The following NCEH1 variants were observed in gnomAD, a reference collection of about 807,000 sequenced individuals.
NCEH1 encodes the protein 2-acetyl MAGE hydrolase.
In NCEH1, 9 loss-of-function variants were observed where a neutral mutation model predicts 25.4. The observed-to-expected ratio is 0.35, with a 90% confidence interval of 0.21 to 0.62. The LOEUF is 0.62. Ranked by LOEUF, NCEH1 falls within the 20% of genes least tolerant of loss-of-function variation. The probability of loss-of-function intolerance (pLI) is 0.72; values close to 1 mark genes in which losing one functional copy is unlikely to be tolerated. For missense variants in NCEH1, 412 were observed against 501.1 expected (o/e 0.82, Z 1.70); for synonymous variants, 200 against 199.8 (o/e 1.00, Z -0.01).
At chr3:172,705,071 A>G (rs1274190171) in intron 1 of NCEH1, among the ~76,000 whole-genome samples, 3 of 152,254 alleles carry the variant, frequency 2.0e-5, no homozygotes, top group Non-Finnish European at 1.5e-5. Flanking sequence ...TCATAAAGCA[A>G]ATACTAAAAT....
In NCEH1 at chr3:172,633,609, C is replaced by T. The variant is rs144734082; in HGVS notation, c.1093G>A (p.Gly365Ser). ...IMYAKRLESAGVEVTLDHFED... is the reference protein window; with the variant it reads ...IMYAKRLESASVEVTLDHFED... The stretch of plus-strand genomic sequence containing the variant: ...AAGTGATCCAGGGTCACCTCCACAC[C>T]GGCACTCTCCAAACGCTTGGCATAC... The change falls in exon 5 of 5, where the codon GGT (glycine) becomes AGT (serine). Residue 365 changes from glycine (G) to serine (S), a missense_variant. Around this residue, in one of 3 missense-constraint regions of NCEH1, gnomAD observed 210 missense variants for 258.2 expected, o/e 0.81. Coordinates refer to ENST00000475381, the MANE Select transcript of NCEH1 (RefSeq NM_020792.6). The T allele has an allele frequency of 3.5e-5, 57 of 1,614,142 alleles. No homozygotes were observed. Among genetic ancestry groups the T allele is most frequent in the Admixed American group, 2.8e-4 (17 of 60,022 alleles).
chr3:172,691,707 G>A (rs925903530), intron 1 of NCEH1, among the ~76,000 whole-genome samples: 2 of 152,280 alleles, frequency 1.3e-5, no homozygotes. Flanking sequence ...CCCAGCACTT[G>A]GGGAGGCTGA....
chr3:172,634,170 C>T, intron 4 of NCEH1, 78 bp from the exon 5 acceptor site: 1 of 1,318,750 alleles, frequency 7.6e-7, no homozygotes, highest in Non-Finnish European at 1.0e-6. Context: ...AGAGTAGCTT[C>T]ATGTGTTACT....
At chr3:172,651,368 CT>C (rs1052780677) in intron 1 of NCEH1, among the ~76,000 whole-genome samples, 5 of 151,442 alleles carry the variant, frequency 3.3e-5, no homozygotes, top group African/African-American at 7.3e-5. Flanking sequence ...TATTACCTAA[CT>C]TTTTTTTTAC....
At chr3:172,661,609 G>A (rs561106019) in intron 1 of NCEH1, among the ~76,000 whole-genome samples, 68 of 152,290 alleles carry the variant, frequency 4.5e-4, no homozygotes, top group African/African-American at 1.6e-3. Flanking sequence ...CATGAGCATG[G>A]AATGTTCTTC....
Position 172,708,331 on chromosome 3 carries a change from C to CG in NCEH1, c.138+2515dup, listed in dbSNP as rs557780145. Among the ~76,000 whole-genome samples, 4 of 152,286 alleles carry CG rather than the reference C, an allele frequency of 2.6e-5. No individual in the cohort carries two copies. The East Asian group carries it at 7.7e-4, about 29-fold the overall frequency. ...ACTCAAACTAAAATTATCTGAGTAA[C>CG]GAGGTTGACACCATGCAATTTATTT... On this transcript the variant is annotated intron_variant, in intron 1 of 4. Coordinates refer to ENST00000475381, the MANE Select transcript of NCEH1 (RefSeq NM_020792.6).
chr3:172,687,971 A>G lies in NCEH1; in HGVS notation c.138+22876T>C, dbSNP rs577756217. Among the ~76,000 whole-genome samples, 423 of 152,326 alleles carry G rather than the reference A, an allele frequency of 2.8e-3. 3 individuals are homozygous for G. The highest frequency in any genetic ancestry group is 9.8e-3 in the African/African-American group (409 of 41,574). ...ACCAAGGCATAAAATTAGAAATTTG[A>G]TTGTTCAGTTTTATTTTGAATTTTA... On this transcript the variant is annotated intron_variant, in intron 1 of 4. Coordinates refer to ENST00000475381, the MANE Select transcript of NCEH1 (RefSeq NM_020792.6).
chr3:172,707,697 T>A (rs1229906262), intron 1 of NCEH1, among the ~76,000 whole-genome samples: 1 of 152,104 alleles, frequency 6.6e-6, no homozygotes, highest in Non-Finnish European at 1.5e-5. Flanking sequence ...GCCATTCTCC[T>A]GCCTCAGCCT....
intron 2 of NCEH1, 115 bp downstream of exon 2, chr3:172,647,771 A>C: frequency 7.0e-7 from 1 of 1,431,074 alleles, no homozygotes; most frequent in Non-Finnish European, 9.5e-7. Flanking sequence ...GGGACCATCC[A>C]GGGGAACCTA....
intron 1 of NCEH1, among the ~76,000 whole-genome samples, chr3:172,687,350 GA>G (rs1439054130): frequency 6.6e-6 from 1 of 152,140 alleles, no homozygotes; most frequent in Non-Finnish European, 1.5e-5. Flanking sequence ...CCCATGTACT[GA>G]CGGCCTCCTA....
rs1716367227 is a variant in NCEH1 at position 172,631,806 on chromosome 3, TTCTC to T, written c.*1665_*1668del. 1 of 152,658 alleles carries T rather than the reference TTCTC, an allele frequency of 6.6e-6. No individual in the cohort carries two copies. The highest frequency in any genetic ancestry group is 2.4e-5 in the African/African-American group (1 of 41,468). The allele number at this position is 152,658 out of a possible 1,614,324, so 9.5% of individuals were successfully genotyped here. On this transcript the variant is annotated 3_prime_UTR_variant, in exon 5 of 5. Coordinates refer to ENST00000475381, the MANE Select transcript of NCEH1 (RefSeq NM_020792.6). ...TTCCCAGGAGTGAAATGGTTCTACT[TTCTC>T]TCCGTGGTGCCCTGTATCATTACTC...
chr3:172,676,472 T>G (rs1712004999), intron 1 of NCEH1, among the ~76,000 whole-genome samples: 2 of 152,142 alleles, frequency 1.3e-5, no homozygotes, highest in Non-Finnish European at 2.9e-5. Context: ...TCGCCAGGTT[T>G]TTCACAGGCA....
At chr3:172,657,855 G>A (rs538130181) in intron 1 of NCEH1, among the ~76,000 whole-genome samples, 19 of 152,254 alleles carry the variant, frequency 1.2e-4, no homozygotes, top group Admixed American at 5.2e-4. Flanking sequence ...CTTTGGCAAT[G>A]CCCTTCACTG....
rs1380669152 is a variant in NCEH1 at position 172,632,874 on chromosome 3, G to A, written c.*601C>T. On this transcript the variant is annotated 3_prime_UTR_variant, in exon 5 of 5. Transcript: ENST00000475381. ...TGTAATCCAACTGGACTTACAGATA[G>A]CGATCTCATAAAATGAACATTCTAG... The A allele has an allele frequency of 6.5e-6, 1 of 152,724 alleles. No individual in the cohort carries two copies. The highest frequency in any genetic ancestry group is 2.4e-5 in the African/African-American group (1 of 41,450). 9.5% of individuals were successfully genotyped at this position (152,724 alleles called of 1,614,324 possible). A position where few individuals can be genotyped will look rare whatever the true frequency, so the allele number is the denominator to read the frequency against.
chr3:172,630,459 T>G lies in NCEH1; in HGVS notation c.*3016A>C, dbSNP rs1023977664. 6.6e-6 allele frequency: 1 copy of G among 152,192 alleles called. No homozygotes were observed. The highest frequency in any genetic ancestry group is 1.5e-5 in the Non-Finnish European group (1 of 68,050). The allele number at this position is 152,192 out of a possible 1,614,324, so 9.4% of individuals were successfully genotyped here. A position where few individuals can be genotyped will look rare whatever the true frequency, so the allele number is the denominator to read the frequency against. ...AGCCAGTCCAAAGGAGGGCAACACA[T>G]ACTGTATCCAGACATGAAACAAATG... is the stretch of plus-strand genomic sequence containing the variant. On this transcript the variant is annotated 3_prime_UTR_variant, in exon 5 of 5. Coordinates refer to ENST00000475381, the MANE Select transcript of NCEH1 (RefSeq NM_020792.6).
intron 1 of NCEH1, among the ~76,000 whole-genome samples, chr3:172,691,734 G>A (rs1713054042): frequency 1.3e-5 from 2 of 152,298 alleles, no homozygotes; most frequent in Admixed American, 6.5e-5. Context: ...CGGATCATGA[G>A]GTCAGGAGAT....
At chr3:172,702,390 T>C (rs1477096109) in intron 1 of NCEH1, among the ~76,000 whole-genome samples, 1 of 152,210 alleles carries the variant, frequency 6.6e-6, no homozygotes, top group Non-Finnish European at 1.5e-5. Flanking sequence ...CCACTTTAGA[T>C]GTTCTTTCCA....
At chr3:172,678,502 A>C (rs1712145741) in intron 1 of NCEH1, among the ~76,000 whole-genome samples, 1 of 152,220 alleles carries the variant, frequency 6.6e-6, no homozygotes, top group East Asian at 1.9e-4. Flanking sequence ...CCAAACGTTT[A>C]GTCTATTGAA....
intron 1 of NCEH1, among the ~76,000 whole-genome samples, chr3:172,675,165 C>T (rs1472136916): frequency 6.6e-6 from 1 of 152,010 alleles, no homozygotes; most frequent in Non-Finnish European, 1.5e-5. Context: ...TAAAAGCTAG[C>T]TGTGTGGTGC....
Sources: gnomAD v4.1 joint callset for allele counts (sites outside exome capture counted in the v4.1 genomes callset) on GRCh38, gnomAD v4.1.1 for gene constraint, gnomAD v4.1.1 regional missense constraint, MANE v1.5 for transcripts, NCBI Gene and HGNC (gene_info 2026-07-23, HGNC 2026-07-21) for gene names.